The following TMPRSS9 variants were observed in gnomAD, a reference collection of about 807,000 sequenced individuals.
The protein encoded by TMPRSS9 is transmembrane protease serine 9.
Under a neutral mutation model 111.4 loss-of-function variants are expected in TMPRSS9, and 113 were observed. That is an observed-to-expected ratio of 1.01 (90% CI 0.87 to 1.19). TMPRSS9 has a LOEUF of 1.19. TMPRSS9 is among the 50% of genes most tolerant of loss of function. TMPRSS9 has a pLI of 0.00. For missense variants in TMPRSS9, 1,803 were observed against 1,513.1 expected, an observed-to-expected ratio of 1.19 and a Z score of -3.18; for synonymous variants, 805 against 659.1, an observed-to-expected ratio of 1.22 and a Z score of -3.39.
chr19:2,378,859 G>A (rs1247181120), intron 1 of TMPRSS9, among the ~76,000 whole-genome samples: 11 of 152,150 alleles, frequency 7.2e-5, no homozygotes, highest in Admixed American at 6.6e-5. Flanking sequence ...TTCACATGGC[G>A]GTAGGAGAGA....
At chr19:2,364,617 A>G (rs568008060) in intron 1 of TMPRSS9, among the ~76,000 whole-genome samples, 26 of 152,036 alleles carry the variant, frequency 1.7e-4, no homozygotes, top group Non-Finnish European at 3.4e-4. Context: ...AGTTGTGAAG[A>G]TGGTGCAGAG....
In TMPRSS9 at chr19:2,399,243, G is replaced by C. The variant is rs985002454; in HGVS notation, c.514+50G>C. The C allele has an allele frequency of 2.0e-6, 3 of 1,523,460 alleles. No individual in the cohort carries two copies. The South Asian group carries it at 3.9e-5, about 20-fold the overall frequency. The allele number at this position is 1,523,460 out of a possible 1,614,324, so 94.4% of individuals were successfully genotyped here. A position where few individuals can be genotyped will look rare whatever the true frequency, so the allele number is the denominator to read the frequency against. ...CCCCATCACGAGGAGGCTGGAGTGG[G>C]GCAGGAGCTGCAAGATACATTTTGA... On this transcript the variant is annotated intron_variant, in intron 4 of 17. Coordinates refer to ENST00000648592, the Ensembl canonical transcript of TMPRSS9.
intron 1 of TMPRSS9, among the ~76,000 whole-genome samples, chr19:2,377,909 C>T (rs1380427965): frequency 2.0e-5 from 3 of 150,582 alleles, no homozygotes; most frequent in Non-Finnish European, 3.0e-5. Flanking sequence ...GAGACAGGGT[C>T]TCCCTCTGCC....
chr19:2,382,680 T>TGC (rs1970399869), intron 1 of TMPRSS9, among the ~76,000 whole-genome samples: 1 of 149,290 alleles, frequency 6.7e-6, no homozygotes, highest in East Asian at 2.0e-4. Context: ...CGTGCACACA[T>TGC]ACACACATGC....
intron 14 of TMPRSS9, among the ~76,000 whole-genome samples, chr19:2,422,993 G>C (rs975421006): frequency 6.6e-6 from 1 of 151,924 alleles, no homozygotes; most frequent in African/African-American, 2.4e-5. Context: ...GGAAGCAGAG[G>C]CTGCAGTGAG....
chr19:2,389,650 G>A (rs1436231569), upstream of TMPRSS9: 84 of 1,078,262 alleles, frequency 7.8e-5, no homozygotes, highest in Admixed American at 1.1e-3. Flanking sequence ...TGACAGGCGT[G>A]AGCCACCGCG....
At chr19:2,407,623 T>C (rs1272833326) in intron 7 of TMPRSS9, among the ~76,000 whole-genome samples, 2 of 144,544 alleles carry the variant, frequency 1.4e-5, no homozygotes, top group South Asian at 2.2e-4. Flanking sequence ...TTTTTTTTTT[T>C]TTTTTTGAGA....
rs778634658 is a variant in TMPRSS9 at position 2,396,522 on chromosome 19, C to T, written c.143-17C>T. The T allele has an allele frequency of 3.8e-6, 6 of 1,587,026 alleles. No individual in the cohort carries two copies. The highest frequency in any genetic ancestry group is 2.3e-5 in the East Asian group (1 of 43,622). ...CCCAAAGGTGGGCTCTCTCACGGGCCCTGGTCTCGTCCCCAGCCTTCCTCT... is the reference window on the plus strand; with the variant it reads ...CCCAAAGGTGGGCTCTCTCACGGGCTCTGGTCTCGTCCCCAGCCTTCCTCT... On this transcript the variant is annotated splice_polypyrimidine_tract_variant and intron_variant, in intron 1 of 17. Coordinates refer to ENST00000648592, the Ensembl canonical transcript of TMPRSS9.
chr19:2,382,757 A>C (rs572246313), intron 1 of TMPRSS9, among the ~76,000 whole-genome samples: 1 of 152,042 alleles, frequency 6.6e-6, no homozygotes, highest in East Asian at 1.9e-4. Context: ...ATCCACACAT[A>C]CACAGATGCA....
Position 2,401,268 on chromosome 19 carries a change from C to T in TMPRSS9, c.515-707C>T, listed in dbSNP as rs549827774. 4.2e-3 allele frequency among the ~76,000 whole-genome samples: 634 copies of T among 151,260 alleles called. 4 individuals are homozygous for T. Among genetic ancestry groups the T allele is most frequent in the Middle Eastern group, 0.024 (7 of 294 alleles). ...CAGCCTGGGCGACAGAGGGAGACTC[C>T]GTCTCAAAAAAAAAAAGTCACCTTG... On this transcript the variant is annotated intron_variant, in intron 4 of 17. Coordinates refer to ENST00000648592, the Ensembl canonical transcript of TMPRSS9.
chr19:2,390,532 C>T (rs1251854481), intron 1 of TMPRSS9, among the ~76,000 whole-genome samples: 2 of 149,594 alleles, frequency 1.3e-5, no homozygotes, highest in African/African-American at 4.9e-5. Context: ...CATGAGCCAC[C>T]GCGCCCGGCC....
intron 15 of TMPRSS9, 99 bp downstream of exon 16, chr19:2,424,356 G>C: frequency 8.2e-7 from 1 of 1,225,708 alleles, no homozygotes; most frequent in Non-Finnish European, 1.0e-6. Context: ...CCTTTGCCGG[G>C]AGTGCCCTCC....
At chr19:2,402,703 A>C (rs1239568691) in intron 5 of TMPRSS9, among the ~76,000 whole-genome samples, 2 of 152,134 alleles carry the variant, frequency 1.3e-5, no homozygotes, top group Non-Finnish European at 2.9e-5. Context: ...GTGCCATTGC[A>C]CTCCAGGCTG....
At chr19:2,364,411 C>T (rs1209301871) in intron 1 of TMPRSS9, among the ~76,000 whole-genome samples, 1 of 151,900 alleles carries the variant, frequency 6.6e-6, no homozygotes, top group Non-Finnish European at 1.5e-5. Context: ...ATAAGGCTTC[C>T]TTTGTTGTTG....
intron 6 of TMPRSS9, 102 bp downstream of exon 7, chr19:2,403,297 A>G (rs1970894589): frequency 9.2e-6 from 9 of 975,154 alleles, no homozygotes. Flanking sequence ...CTGGGCACAC[A>G]GGCCTGGCAT....
upstream of TMPRSS9, among the ~76,000 whole-genome samples, chr19:2,384,887 C>T (rs1034867983): frequency 6.7e-6 from 1 of 148,156 alleles, no homozygotes; most frequent in African/African-American, 2.5e-5. Context: ...GAAGCTGAGG[C>T]AGGAGAATTG....
At chr19:2,410,934 T>G (rs1971081709) in intron 9 of TMPRSS9, among the ~76,000 whole-genome samples, 1 of 151,968 alleles carries the variant, frequency 6.6e-6, no homozygotes, top group Admixed American at 6.6e-5. Context: ...GAAGGGTTGG[T>G]CTATGGGAAC....
At chr19:2,426,192 G>T (rs1456773630) in exon 18 of TMPRSS9, 5 of 893,768 alleles carry the variant, frequency 5.6e-6, no homozygotes, top group Non-Finnish European at 7.2e-6. Context: ...CGGGTGTGGG[G>T]GGGCTGTGGG....
chr19:2,377,386 C>T (rs1322956263), intron 1 of TMPRSS9, among the ~76,000 whole-genome samples: 1 of 145,286 alleles, frequency 6.9e-6, no homozygotes, highest in East Asian at 2.1e-4. Context: ...CCTTCTGCCT[C>T]AGCCTCCCAA....
Sources: allele counts gnomAD v4.1 joint callset (sites outside exome capture counted in the v4.1 genomes callset), GRCh38; gene constraint gnomAD v4.1.1; transcripts MANE v1.5; gene names NCBI Gene and HGNC (gene_info 2026-07-23, HGNC 2026-07-21).